MBNL1: variants seen among roughly 807,000 people sequenced by gnomAD.
The protein encoded by MBNL1 is muscleblind like splicing regulator 1, also known as muscleblind-like protein 1.
Under a neutral mutation model 42.2 loss-of-function variants are expected in MBNL1, and 8 were observed. That is an observed-to-expected ratio of 0.19 (90% CI 0.11 to 0.34). The LOEUF (loss-of-function observed/expected upper bound fraction) is 0.34, where lower values mean the gene tolerates loss of function less well. Among genes scored for constraint, MBNL1 ranks in the 10% least tolerant of loss-of-function variants. MBNL1 has a pLI of 1.00. For synonymous variants in MBNL1, 169 were observed against 173.9 expected (o/e 0.97, Z 0.22); for missense variants, 309 against 495.3 (o/e 0.62, Z 3.57).
At chr3:152,344,793 C>T (rs957942610) in intron 2 of MBNL1, among the ~76,000 whole-genome samples, 16 of 151,966 alleles carry the variant, frequency 1.1e-4, no homozygotes, top group African/African-American at 2.9e-4. Context: ...TCCATTTGTG[C>T]TATTATTATT....
chr3:152,343,063 T>C (rs922641950), intron 2 of MBNL1, among the ~76,000 whole-genome samples: 4 of 152,098 alleles, frequency 2.6e-5, no homozygotes, highest in African/African-American at 9.7e-5. Flanking sequence ...GTCAAATCCA[T>C]TTAACCTCTC....
At chr3:152,294,930 A>G (rs1172304277) in intron 1 of MBNL1, among the ~76,000 whole-genome samples, 1 of 152,226 alleles carries the variant, frequency 6.6e-6, no homozygotes, top group Non-Finnish European at 1.5e-5. Context: ...GAGAAGGAAT[A>G]TAAAACAATA....
At chr3:152,355,731 T>C (rs1421022405) in intron 2 of MBNL1, among the ~76,000 whole-genome samples, 2 of 152,228 alleles carry the variant, frequency 1.3e-5, no homozygotes, top group Non-Finnish European at 2.9e-5. Flanking sequence ...TTATACTGAA[T>C]ATTAGTATTC....
intron 2 of MBNL1, among the ~76,000 whole-genome samples, chr3:152,348,441 G>A (rs2094545016): frequency 6.6e-6 from 1 of 152,020 alleles, no homozygotes; most frequent in Admixed American, 6.6e-5. Flanking sequence ...TTATTTGAAA[G>A]TATTACAAAG....
intron 6 of MBNL1, among the ~76,000 whole-genome samples, chr3:152,449,019 T>G (rs753148106): frequency 6.6e-6 from 1 of 152,116 alleles, no homozygotes; most frequent in Non-Finnish European, 1.5e-5. Flanking sequence ...ATTTCTCTTA[T>G]GTTTTGTAAT....
At chr3:152,356,756 G>A (rs1353742568) in intron 2 of MBNL1, among the ~76,000 whole-genome samples, 3 of 152,082 alleles carry the variant, frequency 2.0e-5, no homozygotes, top group Admixed American at 6.5e-5. Context: ...GATTACAGGC[G>A]TGAGCCACCA....
At chr3:152,393,072 G>A (rs531755394) in intron 2 of MBNL1, among the ~76,000 whole-genome samples, 49 of 152,236 alleles carry the variant, frequency 3.2e-4, no homozygotes, top group African/African-American at 1.2e-3. Context: ...GCCTCCCATA[G>A]GAAGGTACCA....
At chr3:152,412,652 A>G (rs776226578) in intron 2 of MBNL1, among the ~76,000 whole-genome samples, 2 of 152,206 alleles carry the variant, frequency 1.3e-5, no homozygotes, top group Non-Finnish European at 2.9e-5. Context: ...GATGCAGAAT[A>G]TACGTATACC....
At position 152,319,614 on chromosome 3, in the gene MBNL1, GTTTTTTTTTTTT is replaced by G. The variant is rs202070328; in HGVS notation, c.174+19261_174+19272del. Among the ~76,000 whole-genome samples the G allele has an allele frequency of 4.3e-4, 35 of 80,520 alleles. 1 individual carries two copies. Among genetic ancestry groups the G allele is most frequent in the East Asian group, 1.3e-3 (4 of 3,004 alleles). 52.8% of individuals were successfully genotyped at this position (80,520 alleles called of 152,430 possible). ...TACGGTGGCATTAAAGTTCTATACT[GTTTTTTTTTTTT>G]TTTTTTTTTTTTTGGCTGGACAACA... On this transcript the variant is annotated intron_variant, in intron 2 of 9. Coordinates refer to ENST00000324210, the MANE Select transcript of MBNL1 (RefSeq NM_021038.5).
intron 4 of MBNL1, among the ~76,000 whole-genome samples, chr3:152,434,231 A>G (rs140248701): frequency 2.1e-4 from 32 of 152,128 alleles, no homozygotes; most frequent in African/African-American, 7.7e-4. Flanking sequence ...AGGCCCTAAC[A>G]TCTGTTATTT....
chr3:152,289,316 A>G (rs898944332), intron 1 of MBNL1, among the ~76,000 whole-genome samples: 1 of 152,142 alleles, frequency 6.6e-6, no homozygotes, highest in African/African-American at 2.4e-5. Context: ...TTCTATTGAC[A>G]TAGAAAGATC....
chr3:152,362,096 C>T (rs1034156440), intron 2 of MBNL1, among the ~76,000 whole-genome samples: 1 of 152,192 alleles, frequency 6.6e-6, no homozygotes, highest in Non-Finnish European at 1.5e-5. Flanking sequence ...TGCTGCAAAA[C>T]TCTTTCTGTT....
Position 152,299,626 on chromosome 3 carries a change from GA to G in MBNL1, c.-563del, listed in dbSNP as rs1207434781. 1.3e-5 allele frequency: 5 copies of G among 398,266 alleles called. No individual in the cohort carries two copies. Among genetic ancestry groups the G allele is most frequent in the Non-Finnish European group, 2.2e-5 (5 of 225,954 alleles). The allele number at this position is 398,266 out of a possible 1,614,324, so 24.7% of individuals were successfully genotyped here. ...TTTAGTGTTAAAAGAAAAGTTTGCT[GA>G]AAAAGTAAGATATCTTCTGCCAGGA... On this transcript the variant is annotated 5_prime_UTR_variant, in exon 2 of 10. Coordinates refer to ENST00000324210, the MANE Select transcript of MBNL1 (RefSeq NM_021038.5).
intron 1 of MBNL1, among the ~76,000 whole-genome samples, chr3:152,295,924 T>A (rs1434074177): frequency 6.6e-6 from 1 of 152,120 alleles, no homozygotes; most frequent in Non-Finnish European, 1.5e-5. Context: ...ATCAGTTTGT[T>A]AAAAGGGAAA....
At chr3:152,435,511 T>C (rs1393373326) in intron 4 of MBNL1, among the ~76,000 whole-genome samples, 2 of 152,234 alleles carry the variant, frequency 1.3e-5, no homozygotes, top group Non-Finnish European at 2.9e-5. Flanking sequence ...AAGATTGCAT[T>C]GGCTATCCAG....
chr3:152,419,189 T>C (rs2098756767), intron 3 of MBNL1, among the ~76,000 whole-genome samples: 1 of 152,156 alleles, frequency 6.6e-6, no homozygotes, highest in Non-Finnish European at 1.5e-5. Context: ...AAATGATCTT[T>C]TTTTTTTAAT....
At chr3:152,319,614 G>GCTTTT (rs1184071631) in intron 2 of MBNL1, among the ~76,000 whole-genome samples, 14 of 80,534 alleles carry the variant, frequency 1.7e-4, no homozygotes, top group Admixed American at 3.4e-4. Flanking sequence ...GTTCTATACT[G>GCTTTT]TTTTTTTTTT....
At position 152,418,031 on chromosome 3, in the gene MBNL1, C is replaced by T. The variant is rs2098732464; in HGVS notation, c.345+2920C>T. ...TGCAGGGATCTGTAGGAAGGTTTCC[C>T]ATTTTTATACACTTTGTGAGCTTCT... is the stretch of plus-strand genomic sequence containing the variant. On this transcript the variant is annotated intron_variant, in intron 3 of 9. Transcript: ENST00000324210. Among the ~76,000 whole-genome samples, 4 of 152,244 alleles carry T rather than the reference C, an allele frequency of 2.6e-5. No individual in the cohort carries two copies. The South Asian group carries it at 8.3e-4, about 32-fold the overall frequency.
chr3:152,422,389 A>G (rs1264882981), intron 3 of MBNL1, among the ~76,000 whole-genome samples: 1 of 152,220 alleles, frequency 6.6e-6, no homozygotes, highest in Non-Finnish European at 1.5e-5. Context: ...TCAATGCAAC[A>G]AGAAGAGCTA....
Sources: gnomAD v4.1 joint callset for allele counts (sites outside exome capture counted in the v4.1 genomes callset) on GRCh38, gnomAD v4.1.1 for gene constraint, MANE v1.5 for transcripts, NCBI Gene and HGNC (gene_info 2026-07-23, HGNC 2026-07-21) for gene names.